CDH2: variants seen among roughly 807,000 people sequenced by gnomAD.
The protein encoded by CDH2 is cadherin-2.
A neutral mutation model predicts 92.0 loss-of-function variants in CDH2; 17 were observed. The ratio of observed to expected loss-of-function variants is 0.18; its 90% CI spans 0.13 to 0.28. The LOEUF (loss-of-function observed/expected upper bound fraction) is 0.28, where lower values mean the gene tolerates loss of function less well. CDH2 is among the 10% of genes least tolerant of loss of function. CDH2 has a pLI of 1.00. For synonymous variants in CDH2, 419 were observed against 415.9 expected, an observed-to-expected ratio of 1.01 and a Z score of -0.09; for missense variants, 862 against 1,133.1, an observed-to-expected ratio of 0.76 and a Z score of 3.44.
chr18:28,079,955 C>A lies in CDH2; in HGVS notation c.173-66046G>T, dbSNP rs1456033986. Among the ~76,000 whole-genome samples, 6 of 152,254 alleles carry A rather than the reference C, an allele frequency of 3.9e-5. No homozygotes were observed. The South Asian group carries it at 1.0e-3, about 26-fold the overall frequency. On this transcript the variant is annotated intron_variant, in intron 2 of 15. Transcript: ENST00000269141. ...GTGGAAACATGAGGCCAGAAAAACA[C>A]CTTCTTAACATTTAACACATGAATT...
chr18:27,941,643 C>T (rs1056182801), intron 6 of CDH2, among the ~76,000 whole-genome samples: 1 of 151,966 alleles, frequency 6.6e-6, no homozygotes, highest in Non-Finnish European at 1.5e-5. Flanking sequence ...TACATGCAGC[C>T]AAAGGGTTTA....
At chr18:28,151,228 T>C (rs762874787) in intron 1 of CDH2, among the ~76,000 whole-genome samples, 1 of 152,200 alleles carries the variant, frequency 6.6e-6, no homozygotes, top group East Asian at 1.9e-4. Context: ...CTGAATGTTC[T>C]ACAACAGTAG....
intron 15 of CDH2, chr18:27,954,540 G>A (rs529244916): frequency 6.6e-6 from 1 of 152,322 alleles, no homozygotes; most frequent in Admixed American, 6.5e-5. Context: ...CTCCAGATGG[G>A]AAGTTTATCT....
intron 2 of CDH2, among the ~76,000 whole-genome samples, chr18:28,109,957 G>A (rs1427787594): frequency 6.6e-6 from 1 of 152,144 alleles, no homozygotes; most frequent in Non-Finnish European, 1.5e-5. Context: ...GCCCAAGAAT[G>A]TACATACCAT....
intron 15 of CDH2, chr18:27,959,656 C>T (rs2011345493): frequency 6.6e-6 from 1 of 152,088 alleles, no homozygotes; most frequent in Admixed American, 6.6e-5. Context: ...TGGCTTAGGC[C>T]TTCTGACTTA....
At chr18:28,036,436 C>T (rs765687500) in intron 2 of CDH2, 1 of 944,182 alleles carries the variant, frequency 1.1e-6, no homozygotes, top group South Asian at 1.3e-5. Flanking sequence ...ACTAAATCAC[C>T]ATGTTATGGA....
At chr18:27,959,339 G>C (rs951081440) in intron 15 of CDH2, among the ~76,000 whole-genome samples, 2 of 152,124 alleles carry the variant, frequency 1.3e-5, no homozygotes, top group Non-Finnish European at 2.9e-5. Flanking sequence ...ACTAGAAAAT[G>C]TTCTCATGAG....
intron 4 of CDH2, among the ~76,000 whole-genome samples, chr18:28,010,254 A>T (rs1213453591): frequency 6.6e-6 from 1 of 152,182 alleles, no homozygotes; most frequent in Non-Finnish European, 1.5e-5. Context: ...ACCTTTTTGC[A>T]TCAGTAACAA....
intron 2 of CDH2, among the ~76,000 whole-genome samples, chr18:28,061,001 T>C (rs1288558930): frequency 1.3e-5 from 2 of 152,228 alleles, no homozygotes; most frequent in East Asian, 3.9e-4. Context: ...CTTCCAAAAC[T>C]AGCACTAACA....
chr18:28,076,442 G>T lies in CDH2; in HGVS notation c.173-62533C>A, dbSNP rs187731259. 6.6e-5 allele frequency among the ~76,000 whole-genome samples: 10 copies of T among 152,212 alleles called. No homozygotes were observed. The East Asian group carries it at 1.7e-3, about 26-fold the overall frequency. On this transcript the variant is annotated intron_variant, in intron 2 of 15. Coordinates refer to ENST00000269141, the MANE Select transcript of CDH2 (RefSeq NM_001792.5). The stretch of plus-strand genomic sequence containing the variant: ...ATAATATATGCCCCTTATAATCACT[G>T]TGATGATTATATGATTTAATTCATA...
intron 2 of CDH2, among the ~76,000 whole-genome samples, chr18:28,018,841 T>A (rs1423924313): frequency 1.3e-5 from 2 of 150,864 alleles, no homozygotes; most frequent in Admixed American, 6.7e-5. Context: ...GGAAAAGAAG[T>A]CATTATATGA....
intron 1 of CDH2, among the ~76,000 whole-genome samples, chr18:28,160,716 T>C (rs759077639): frequency 2.0e-5 from 3 of 151,670 alleles, no homozygotes; most frequent in African/African-American, 4.8e-5. Context: ...CCCAACATGG[T>C]GATAACACTG....
At chr18:27,945,904 T>G (rs1360371090) in intron 6 of CDH2, among the ~76,000 whole-genome samples, 1 of 152,178 alleles carries the variant, frequency 6.6e-6, no homozygotes, top group Admixed American at 6.5e-5. Flanking sequence ...AAGGAAAAAT[T>G]ATTCAAGTTA....
rs1395055386 is a variant in CDH2, at chr18:27,996,658, G to C, written c.1021-3021C>G. ...CACTGTGCATGTGTGTGCATACAGAGACACAGACACACACACACGTGTCCC... is the reference window on the plus strand; with the variant it reads ...CACTGTGCATGTGTGTGCATACAGACACACAGACACACACACACGTGTCCC... On this transcript the variant is annotated intron_variant, in intron 7 of 15. Coordinates refer to ENST00000269141, the MANE Select transcript of CDH2 (RefSeq NM_001792.5). Among the ~76,000 whole-genome samples the C allele has an allele frequency of 2.6e-5, 4 of 151,782 alleles. 1 individual carries two copies. Among genetic ancestry groups the C allele is most frequent in the South Asian group, 4.1e-4 (2 of 4,822 alleles).
chr18:27,988,040 G>T (rs949897964), intron 11 of CDH2, among the ~76,000 whole-genome samples: 2 of 152,104 alleles, frequency 1.3e-5, no homozygotes, highest in African/African-American at 4.8e-5. Context: ...GGAAAAAAAG[G>T]TGCTACATAT....
At chr18:27,953,831 C>CA (rs1909581242) in intron 15 of CDH2, among the ~76,000 whole-genome samples, 1 of 152,116 alleles carries the variant, frequency 6.6e-6, no homozygotes, top group African/African-American at 2.4e-5. Flanking sequence ...ACCACAGTGA[C>CA]TGGCACATGT....
At chr18:28,077,834 T>C (rs1309802259) in intron 2 of CDH2, among the ~76,000 whole-genome samples, 2 of 133,620 alleles carry the variant, frequency 1.5e-5, no homozygotes, top group Non-Finnish European at 3.0e-5. Context: ...GAGGTTGCAC[T>C]GAGCTGAGAT....
intron 15 of CDH2, among the ~76,000 whole-genome samples, chr18:27,953,227 TAAAG>T (rs1407915670): frequency 6.6e-6 from 1 of 152,278 alleles, no homozygotes; most frequent in East Asian, 1.9e-4. Context: ...CTGGTTCTTA[TAAAG>T]AATTTTAAGA....
intron 2 of CDH2, among the ~76,000 whole-genome samples, chr18:28,105,726 T>C (rs1352383471): frequency 6.6e-6 from 1 of 152,104 alleles, no homozygotes; most frequent in African/African-American, 2.4e-5. Flanking sequence ...TTCAGAAAAA[T>C]ATCCACCCAC....
Sources: allele counts gnomAD v4.1 joint callset (sites outside exome capture counted in the v4.1 genomes callset), GRCh38; gene constraint gnomAD v4.1.1; transcripts MANE v1.5; gene names NCBI Gene and HGNC (gene_info 2026-07-23, HGNC 2026-07-21).